The following COMMD10 variants were observed in gnomAD, a reference collection of about 807,000 sequenced individuals.
The protein encoded by COMMD10 is COMM domain containing 10, also known as COMM domain-containing protein 10.
COMMD10 carries 33 observed loss-of-function variants against 28.9 expected under a neutral mutation model. That is an observed-to-expected ratio of 1.14 (90% CI 0.87 to 1.53). The LOEUF (loss-of-function observed/expected upper bound fraction) is 1.53, where lower values mean the gene tolerates loss of function less well. Among genes scored for constraint, COMMD10 ranks in the 40% most tolerant of loss-of-function variants. COMMD10 has a pLI of 0.00. For missense variants in COMMD10, 310 were observed against 233.4 expected (o/e 1.33, Z -2.14); for synonymous variants, 110 against 81.7 (o/e 1.35, Z -1.87).
chr5:116,210,221 G>A (rs933388816), intron 5 of COMMD10, among the ~76,000 whole-genome samples: 7 of 152,154 alleles, frequency 4.6e-5, no homozygotes, highest in Non-Finnish European at 7.4e-5. Flanking sequence ...CATTTGCAAT[G>A]GCAATTAAAT....
intron 4 of COMMD10, among the ~76,000 whole-genome samples, chr5:116,127,218 A>G (rs1047223865): frequency 2.0e-5 from 3 of 152,340 alleles, no homozygotes; most frequent in Admixed American, 6.5e-5. Flanking sequence ...AATCAAAACC[A>G]CAATGAGATA....
In COMMD10 at chr5:116,091,128, T is replaced by G; in HGVS notation, c.182T>G (p.Phe61Cys). 6.2e-7 allele frequency: 1 copy of G among 1,612,498 alleles called. No homozygotes were observed. The highest frequency in any genetic ancestry group is 8.5e-7 in the Non-Finnish European group (1 of 1,179,168). The part of the protein sequence containing the change: ...EEEEEKLQAA[F>C]SLEKQDLHLV... ...GAGGAAGAAAAACTTCAAGCGGCAT[T>G]TTCTCTAGAGAAACAAGATCTTCAC... The change falls in exon 3 of 7, where the codon TTT becomes TGT. Residue 61 changes from phenylalanine (F) to cysteine (C), a missense_variant. Phe to Cys is a radical substitution (Grantham distance 205). Transcript: ENST00000274458.
chr5:116,267,828 G>T (rs968944062), intron 5 of COMMD10, among the ~76,000 whole-genome samples: 3 of 151,874 alleles, frequency 2.0e-5, no homozygotes, highest in African/African-American at 7.3e-5. Flanking sequence ...TGACAAACCT[G>T]AGAAAAACAA....
At chr5:116,211,121 G>T (rs967739969) in intron 5 of COMMD10, among the ~76,000 whole-genome samples, 31 of 152,000 alleles carry the variant, frequency 2.0e-4, no homozygotes, top group African/African-American at 7.5e-4. Context: ...CAACCAATAA[G>T]GGATGGTTAT....
At chr5:116,161,894 A>G (rs1350366201) in intron 5 of COMMD10, among the ~76,000 whole-genome samples, 2 of 152,198 alleles carry the variant, frequency 1.3e-5, no homozygotes, top group African/African-American at 2.4e-5. Flanking sequence ...GTGCACACCT[A>G]TGTTCTGTGG....
At chr5:116,103,198 C>T (rs893017375) in intron 4 of COMMD10, among the ~76,000 whole-genome samples, 7 of 152,150 alleles carry the variant, frequency 4.6e-5, no homozygotes, top group African/African-American at 1.7e-4. Context: ...AATGGGATGG[C>T]TGGGTCAAAT....
intron 5 of COMMD10, among the ~76,000 whole-genome samples, chr5:116,186,559 C>G (rs1257215117): frequency 6.6e-6 from 1 of 152,116 alleles, no homozygotes; most frequent in Non-Finnish European, 1.5e-5. Flanking sequence ...TTACCTTGAC[C>G]TGAACTGGCT....
At chr5:116,142,273 G>A (rs1044421153) in intron 5 of COMMD10, among the ~76,000 whole-genome samples, 7 of 151,716 alleles carry the variant, frequency 4.6e-5, no homozygotes, top group Non-Finnish European at 8.8e-5. Flanking sequence ...TTATGGCTAT[G>A]ACAGACATAT....
chr5:116,236,545 G>T (rs1235225993), intron 5 of COMMD10, among the ~76,000 whole-genome samples: 3 of 150,220 alleles, frequency 2.0e-5, no homozygotes, highest in Non-Finnish European at 4.4e-5. Flanking sequence ...GTTGGGCCGT[G>T]AAAGGACATG....
intron 5 of COMMD10, among the ~76,000 whole-genome samples, chr5:116,287,214 G>C (rs983724447): frequency 4.0e-5 from 6 of 151,664 alleles, no homozygotes; most frequent in Admixed American, 3.3e-4. Context: ...TCAAAAAACT[G>C]TGACAACATT....
At chr5:116,236,615 G>T (rs2112659327) in intron 5 of COMMD10, among the ~76,000 whole-genome samples, 1 of 151,648 alleles carries the variant, frequency 6.6e-6, no homozygotes, top group East Asian at 1.9e-4. Context: ...TATACTGCAT[G>T]ATTCCAACTA....
chr5:116,104,304 G>A lies in COMMD10; in HGVS notation c.399+11604G>A, dbSNP rs539578232. ...GCATGGAATGTTTTTTCATTTGTTT[G>A]TGTCCTCTCTTATTTTCTTGAGCAG... is the stretch of plus-strand genomic sequence containing the variant. On this transcript the variant is annotated intron_variant, in intron 4 of 6. Transcript: ENST00000274458. Among the ~76,000 whole-genome samples, 6 of 152,210 alleles carry A rather than the reference G, an allele frequency of 3.9e-5. No individual in the cohort carries two copies. The South Asian group carries it at 1.0e-3, about 26-fold the overall frequency.
chr5:116,205,950 T>G (rs1748801995), intron 5 of COMMD10, among the ~76,000 whole-genome samples: 1 of 150,860 alleles, frequency 6.6e-6, no homozygotes, highest in Non-Finnish European at 1.5e-5. Context: ...TTCTTTTTCC[T>G]CCCTTGTTAG....
intron 4 of COMMD10, among the ~76,000 whole-genome samples, chr5:116,117,545 C>T (rs1372630345): frequency 2.0e-5 from 3 of 152,120 alleles, no homozygotes; most frequent in African/African-American, 7.2e-5. Context: ...CTCACTGCAA[C>T]CTCTGCCTCC....
intron 5 of COMMD10, among the ~76,000 whole-genome samples, chr5:116,270,082 A>AATT (rs1408710354): frequency 5.9e-5 from 9 of 151,850 alleles, no homozygotes; most frequent in Middle Eastern, 3.2e-3. Context: ...CATAATGAAG[A>AATT]ATTATGTTTT....
intron 4 of COMMD10, among the ~76,000 whole-genome samples, chr5:116,124,968 G>A (rs150358001): frequency 6.9e-4 from 105 of 152,166 alleles, no homozygotes; most frequent in African/African-American, 2.3e-3. Flanking sequence ...GTCTCTGCAC[G>A]TGAAGTGGTT....
intron 5 of COMMD10, among the ~76,000 whole-genome samples, chr5:116,184,438 C>T (rs1056723049): frequency 6.6e-6 from 1 of 151,196 alleles, no homozygotes; most frequent in Admixed American, 6.6e-5. Context: ...ATATTTGTTT[C>T]CATGACTTTT....
intron 4 of COMMD10, among the ~76,000 whole-genome samples, chr5:116,122,838 A>G (rs1436413046): frequency 2.6e-5 from 4 of 152,142 alleles, no homozygotes; most frequent in African/African-American, 7.2e-5. Flanking sequence ...GTATCCTGAG[A>G]CTTTGCTGAA....
intron 5 of COMMD10, among the ~76,000 whole-genome samples, chr5:116,166,145 TTTCTCTGTCAAATG>T (rs1348767359): frequency 1.5e-4 from 12 of 78,910 alleles, no homozygotes; most frequent in Admixed American, 1.2e-3. Context: ...CTTGAGTCCA[TTTCTCTGTCAAATG>T]GCGATAGTTG....
Sources: allele counts gnomAD v4.1 joint callset (sites outside exome capture counted in the v4.1 genomes callset), GRCh38; gene constraint gnomAD v4.1.1; transcripts MANE v1.5; gene names NCBI Gene and HGNC (gene_info 2026-07-23, HGNC 2026-07-21).